INO80: variants seen among roughly 807,000 people sequenced by gnomAD.
INO80 encodes chromatin-remodeling ATPase INO80.
Under a neutral mutation model 203.4 loss-of-function variants are expected in INO80, and 20 were observed. That is an observed-to-expected ratio of 0.10 (90% CI 0.07 to 0.14). INO80 has a LOEUF of 0.14. Ranked by LOEUF, INO80 falls within the 10% of genes least tolerant of loss-of-function variation. The probability of loss-of-function intolerance (pLI) is 1.00; values close to 1 mark genes in which losing one functional copy is unlikely to be tolerated. For missense variants in INO80, 1,419 were observed against 1,914.4 expected, an observed-to-expected ratio of 0.74 and a Z score of 4.83; for synonymous variants, 726 against 685.2, an observed-to-expected ratio of 1.06 and a Z score of -0.93.
At chr15:40,981,300 C>T (rs1596228372) in intron 35 of INO80, among the ~76,000 whole-genome samples, 1 of 152,198 alleles carries the variant, frequency 6.6e-6, no homozygotes, top group African/African-American at 2.4e-5. Flanking sequence ...CCTTTCTGCC[C>T]TCTACACAGT....
chr15:40,980,697 A>G (rs972862457), intron 35 of INO80, among the ~76,000 whole-genome samples: 1 of 152,184 alleles, frequency 6.6e-6, no homozygotes, highest in African/African-American at 2.4e-5. Flanking sequence ...AGATGGTAAA[A>G]TGTTCATCTT....
chr15:41,001,657 G>A (rs1205131159), intron 28 of INO80, among the ~76,000 whole-genome samples: 2 of 152,196 alleles, frequency 1.3e-5, no homozygotes, highest in African/African-American at 2.4e-5. Flanking sequence ...CCAGGATCAC[G>A]CACTGGTCAC....
At chr15:41,056,226 A>T (rs1469673379) in intron 17 of INO80, among the ~76,000 whole-genome samples, 2 of 152,068 alleles carry the variant, frequency 1.3e-5, no homozygotes, top group Non-Finnish European at 2.9e-5. Flanking sequence ...GATTACAGGC[A>T]TGAGCAGCTG....
intron 19 of INO80, 74 bp from the exon 20 acceptor site, chr15:41,050,176 AAC>A (rs1252425176): frequency 5.4e-6 from 5 of 928,598 alleles, no homozygotes; most frequent in Non-Finnish European, 8.4e-6. Context: ...TAAAGTTGAA[AAC>A]ACACACAAAC....
intron 26 of INO80, chr15:41,018,838 C>G (rs573673824): frequency 7.9e-5 from 12 of 152,310 alleles, no homozygotes; most frequent in African/African-American, 2.4e-4. Flanking sequence ...TCTGGAAATC[C>G]AGCTGATTCT....
chr15:41,017,408 GGAGA>G (rs1342592953), intron 26 of INO80: 1 of 152,130 alleles, frequency 6.6e-6, no homozygotes, highest in Non-Finnish European at 1.5e-5. Context: ...ACACAAAAAG[GGAGA>G]GAGAAAGAAT....
chr15:41,031,712 T>C (rs904682044), intron 24 of INO80, among the ~76,000 whole-genome samples: 3 of 151,554 alleles, frequency 2.0e-5, no homozygotes, highest in African/African-American at 7.3e-5. Flanking sequence ...GCTTTTGCTA[T>C]TCTTCTGTCC....
intron 24 of INO80, among the ~76,000 whole-genome samples, chr15:41,039,395 T>G (rs2140507323): frequency 6.6e-6 from 1 of 152,362 alleles, no homozygotes; most frequent in South Asian, 2.1e-4. Context: ...AGTCTTATCT[T>G]GAACCACATT....
At chr15:41,115,830 T>G in intron 1 of INO80, 143 bp downstream of exon 1, 1 of 369,462 alleles carries the variant, frequency 2.7e-6, no homozygotes. Flanking sequence ...TCCACACCCA[T>G]CCTCCATACT....
chr15:41,093,463 G>C (rs865823732), intron 4 of INO80, among the ~76,000 whole-genome samples: 1 of 151,974 alleles, frequency 6.6e-6, no homozygotes, highest in Non-Finnish European at 1.5e-5. Flanking sequence ...GACTGCTAAC[G>C]GGTACGGGGT....
chr15:41,115,465 C>G (rs2046019291), intron 1 of INO80, among the ~76,000 whole-genome samples: 2 of 152,224 alleles, frequency 1.3e-5, no homozygotes, highest in Admixed American at 6.5e-5. Context: ...CACCCAACAC[C>G]AGCCAGCAGC....
In INO80 at chr15:41,063,693, C is replaced by A. The variant is rs193046092; in HGVS notation, c.1783-3767G>T. 1.1e-4 allele frequency among the ~76,000 whole-genome samples: 16 copies of A among 152,130 alleles called. No individual in the cohort carries two copies. In the East Asian group the frequency reaches 2.7e-3, roughly 26 times the overall value. ...GAAGGCTGAGACAGAATTGCTTGAA[C>A]CCTGGAGACGGAGGTTGCAGTGAGC... On this transcript the variant is annotated intron_variant, in intron 14 of 35. Transcript: ENST00000648947.
At chr15:41,054,201 T>C (rs565025313) in intron 18 of INO80, among the ~76,000 whole-genome samples, 187 bp from the exon 19 acceptor site, 1 of 152,372 alleles carries the variant, frequency 6.6e-6, no homozygotes, top group East Asian at 1.9e-4. Flanking sequence ...ACCATCTTGC[T>C]ATAGTCAACA....
chr15:40,987,208 A>G lies in INO80; in HGVS notation c.3730-15T>C, dbSNP rs1396741475. ...ATCCGCTGAATCTACACCAAAGCAGATCAAAATGTCACCTCCAGGCATCCA... is the reference window on the plus strand; with the variant it reads ...ATCCGCTGAATCTACACCAAAGCAGGTCAAAATGTCACCTCCAGGCATCCA... On this transcript the variant is annotated splice_polypyrimidine_tract_variant and intron_variant, in intron 30 of 35. Coordinates refer to ENST00000648947, the MANE Select transcript of INO80 (RefSeq NM_017553.3). The G allele has an allele frequency of 1.3e-6, 2 of 1,506,342 alleles. No homozygotes were observed. Among genetic ancestry groups the G allele is most frequent in the South Asian group, 1.1e-5 (1 of 88,850 alleles). The allele number at this position is 1,506,342 out of a possible 1,614,324, so 93.3% of individuals were successfully genotyped here.
intron 29 of INO80, among the ~76,000 whole-genome samples, chr15:40,994,732 T>C (rs944400278): frequency 1.3e-5 from 2 of 152,192 alleles, no homozygotes; most frequent in African/African-American, 4.8e-5. Context: ...AAATGTAATT[T>C]ATAGTAACTA....
At position 41,027,657 on chromosome 15, in the gene INO80, G is replaced by C; in HGVS notation, c.2987C>G (p.Ser996Cys). ...QVVHQRRSAT[S>C]SLRRCLLTEL... The stretch of plus-strand genomic sequence containing the variant: ...AGTGAGCAGGCAGCGACGCAGCGAG[G>C]AGGTAGCTGATCTCCGCTGATGGAC... Residue 996 changes from serine to cysteine, a missense_variant, in exon 25 of 36, where the codon TCC becomes TGC. This residue lies in a region of INO80 where 302 missense variants were observed against 345.4 expected (regional missense o/e 0.87). Coordinates refer to ENST00000648947, the MANE Select transcript of INO80 (RefSeq NM_017553.3). 6.2e-7 allele frequency: 1 copy of C among 1,613,934 alleles called. No individual in the cohort carries two copies. The highest frequency in any genetic ancestry group is 8.5e-7 in the Non-Finnish European group (1 of 1,179,904).
At chr15:41,026,415 C>T (rs567829014) in intron 25 of INO80, among the ~76,000 whole-genome samples, 7 of 151,644 alleles carry the variant, frequency 4.6e-5, no homozygotes, top group Admixed American at 2.6e-4. Flanking sequence ...TAGCCAGGAG[C>T]GGTGGTGCGC....
At chr15:41,046,148 GGT>G (rs1191808294) in intron 23 of INO80, among the ~76,000 whole-genome samples, 1 of 121,408 alleles carries the variant, frequency 8.2e-6, no homozygotes, top group East Asian at 2.7e-4. Flanking sequence ...ATATTTAAGG[GGT>G]GTGTGTGTGT....
intron 4 of INO80, among the ~76,000 whole-genome samples, chr15:41,093,928 G>A (rs998349052): frequency 6.6e-6 from 1 of 152,072 alleles, no homozygotes; most frequent in African/African-American, 2.4e-5. Context: ...AAAATATGAC[G>A]GCTAAGCATA....
Sources: gnomAD v4.1 joint callset for allele counts (sites outside exome capture counted in the v4.1 genomes callset) on GRCh38, gnomAD v4.1.1 for gene constraint, gnomAD v4.1.1 regional missense constraint, MANE v1.5 for transcripts, NCBI Gene and HGNC (gene_info 2026-07-23, HGNC 2026-07-21) for gene names.